OPCML: variants seen among roughly 807,000 people sequenced by gnomAD.
OPCML encodes the protein opioid binding protein/cell adhesion molecule like, also known as opioid-binding protein/cell adhesion molecule.
A neutral mutation model predicts 37.8 loss-of-function variants in OPCML; 13 were observed. The ratio of observed to expected loss-of-function variants is 0.34; its 90% confidence interval spans 0.22 to 0.55. The LOEUF is 0.55. Ranked by LOEUF, OPCML falls within the 20% of genes least tolerant of loss-of-function variation. The pLI is 0.91. For synonymous variants in OPCML, 176 were observed against 168.8 expected (o/e 1.04, Z -0.33); for missense variants, 341 against 435.6 (o/e 0.78, Z 1.93).
intron 7 of OPCML, among the ~76,000 whole-genome samples, chr11:132,422,585 C>T (rs563578526): frequency 3.9e-5 from 6 of 152,354 alleles, no homozygotes; most frequent in African/African-American, 9.6e-5. Flanking sequence ...GTGCTCTCCA[C>T]GTGGCAAGCA....
chr11:132,884,204 G>A (rs540805066), intron 2 of OPCML, among the ~76,000 whole-genome samples: 1 of 152,328 alleles, frequency 6.6e-6, no homozygotes, highest in Admixed American at 6.5e-5. Context: ...TCCTTTGGGT[G>A]TGCCCACCTT....
intron 1 of OPCML, among the ~76,000 whole-genome samples, chr11:133,291,664 C>G (rs1942478185): frequency 6.6e-6 from 1 of 152,248 alleles, no homozygotes; most frequent in Non-Finnish European, 1.5e-5. Flanking sequence ...TGAGATCACA[C>G]AGGCTTATAG....
intron 1 of OPCML, among the ~76,000 whole-genome samples, chr11:133,203,506 C>G (rs1438522838): frequency 6.6e-6 from 1 of 152,138 alleles, no homozygotes; most frequent in Non-Finnish European, 1.5e-5. Flanking sequence ...GCCTCGGAGG[C>G]TTTTGACACA....
intron 1 of OPCML, among the ~76,000 whole-genome samples, chr11:132,969,648 T>C (rs921608284): frequency 1.3e-5 from 2 of 152,186 alleles, no homozygotes; most frequent in African/African-American, 4.8e-5. Context: ...TTTCCATCAA[T>C]ACATATTTAA....
intron 2 of OPCML, among the ~76,000 whole-genome samples, chr11:132,735,169 A>T (rs1945213130): frequency 6.6e-6 from 1 of 152,202 alleles, no homozygotes; most frequent in Non-Finnish European, 1.5e-5. Context: ...GGTGCTTGAT[A>T]GTAAAATTTT....
At chr11:132,522,537 A>G (rs186811933) in intron 4 of OPCML, among the ~76,000 whole-genome samples, 1 of 152,342 alleles carries the variant, frequency 6.6e-6, no homozygotes, top group African/African-American at 2.4e-5. Flanking sequence ...AAATGCAAAT[A>G]TGGCACAACT....
chr11:133,253,391 ACT>A (rs1369068843), intron 1 of OPCML, among the ~76,000 whole-genome samples: 9 of 152,014 alleles, frequency 5.9e-5, no homozygotes, highest in African/African-American at 2.2e-4. Flanking sequence ...CTCACTGCAG[ACT>A]CTGCCTCCCA....
chr11:133,079,131 GCTCT>G (rs1948670321), intron 1 of OPCML, among the ~76,000 whole-genome samples: 1 of 152,086 alleles, frequency 6.6e-6, no homozygotes, highest in African/African-American at 2.4e-5. Context: ...CGGGCCCCTG[GCTCT>G]CTCTGGATGA....
At chr11:132,990,619 C>T (rs753301195) in intron 1 of OPCML, among the ~76,000 whole-genome samples, 30 of 152,154 alleles carry the variant, frequency 2.0e-4, no homozygotes, top group Non-Finnish European at 3.5e-4. Flanking sequence ...TTCCAAGATG[C>T]CCCCAGAAAG....
intron 1 of OPCML, among the ~76,000 whole-genome samples, chr11:132,967,116 A>C (rs1434065331): frequency 6.6e-6 from 1 of 151,802 alleles, no homozygotes; most frequent in Non-Finnish European, 1.5e-5. Context: ...TGCTTTCTTC[A>C]TATTATATGC....
At chr11:133,001,606 A>G (rs904635408) in intron 1 of OPCML, among the ~76,000 whole-genome samples, 1 of 152,226 alleles carries the variant, frequency 6.6e-6, no homozygotes, top group Non-Finnish European at 1.5e-5. Context: ...AGGAGTTATC[A>G]TGTCACATAT....
At chr11:132,507,643 C>T (rs2096260234) in intron 4 of OPCML, among the ~76,000 whole-genome samples, 1 of 151,572 alleles carries the variant, frequency 6.6e-6, no homozygotes, top group South Asian at 2.1e-4. Context: ...TAGGTTTGAA[C>T]CTGAATAACT....
intron 1 of OPCML, among the ~76,000 whole-genome samples, chr11:133,430,158 A>G (rs949804764): frequency 6.6e-6 from 1 of 152,194 alleles, no homozygotes; most frequent in Non-Finnish European, 1.5e-5. Context: ...TCACATCAAG[A>G]ATGAAAACTG....
At chr11:132,799,910 G>C (rs1003305939) in intron 2 of OPCML, among the ~76,000 whole-genome samples, 6 of 152,124 alleles carry the variant, frequency 3.9e-5, no homozygotes, top group African/African-American at 1.4e-4. Flanking sequence ...GCTATTCTGG[G>C]CCCCTTATAT....
At chr11:132,441,795 G>T (rs1190791535) in intron 4 of OPCML, among the ~76,000 whole-genome samples, 1 of 152,224 alleles carries the variant, frequency 6.6e-6, no homozygotes, top group African/African-American at 2.4e-5. Context: ...TTCATCCGGG[G>T]ATGTGGGGGT....
At chr11:132,563,319 A>G (rs180850518) in intron 3 of OPCML, among the ~76,000 whole-genome samples, 302 of 152,206 alleles carry the variant, frequency 2.0e-3, no homozygotes, top group African/African-American at 6.8e-3. Context: ...CTTGGAGTAT[A>G]AAGACTCCAT....
intron 1 of OPCML, among the ~76,000 whole-genome samples, chr11:133,345,864 C>T (rs1943990508): frequency 6.6e-6 from 1 of 152,268 alleles, no homozygotes; most frequent in Non-Finnish European, 1.5e-5. Flanking sequence ...CTTCAATTCT[C>T]AATATTCCTC....
chr11:132,869,077 G>A (rs539203080), intron 2 of OPCML, among the ~76,000 whole-genome samples: 2 of 152,278 alleles, frequency 1.3e-5, no homozygotes, highest in East Asian at 3.9e-4. Context: ...AGCAGTTGGA[G>A]CAAAAGCACC....
chr11:133,420,825 G>A, intron 1 of OPCML: 8 of 985,358 alleles, frequency 8.1e-6, no homozygotes, highest in Non-Finnish European at 9.6e-6. Context: ...GGAACATCGG[G>A]AGATTTCATG....
Sources: allele counts gnomAD v4.1 joint callset (sites outside exome capture counted in the v4.1 genomes callset), GRCh38; gene constraint gnomAD v4.1.1; transcripts MANE v1.5; gene names NCBI Gene and HGNC (gene_info 2026-07-23, HGNC 2026-07-21).